Variants in NRXN3 observed in about 807,000 individuals in gnomAD.
NRXN3 encodes the protein neurexin III.
In NRXN3, 32 loss-of-function variants were observed where a neutral mutation model predicts 137.6. The observed-to-expected ratio is 0.23, with a 90% CI of 0.18 to 0.31. The LOEUF is 0.31. NRXN3 is among the 10% of genes least tolerant of loss of function. The pLI is 1.00. For missense variants in NRXN3, 1,574 were observed against 2,062.5 expected (o/e 0.76, Z 4.59); for synonymous variants, 798 against 784.5 (o/e 1.02, Z -0.29).
At chr14:78,714,000 A>T (rs1261745732) in intron 7 of NRXN3, among the ~76,000 whole-genome samples, 2 of 152,218 alleles carry the variant, frequency 1.3e-5, no homozygotes, top group Non-Finnish European at 2.9e-5. Context: ...GAGAGGAGAG[A>T]CATGCCTATC....
intron 16 of NRXN3, among the ~76,000 whole-genome samples, chr14:79,493,150 G>A (rs1601148047): frequency 6.6e-6 from 1 of 152,158 alleles, no homozygotes; most frequent in East Asian, 1.9e-4. Flanking sequence ...GGACTAAATG[G>A]ATGATCCACT....
intron 15 of NRXN3, among the ~76,000 whole-genome samples, chr14:79,076,528 C>T (rs868124410): frequency 2.6e-5 from 4 of 152,268 alleles, no homozygotes; most frequent in Middle Eastern, 6.8e-3. Flanking sequence ...TTCATTGGCA[C>T]AAGAGCCTTT....
intron 19 of NRXN3, among the ~76,000 whole-genome samples, chr14:79,789,457 C>T (rs924959968): frequency 2.0e-5 from 3 of 152,090 alleles, no homozygotes; most frequent in African/African-American, 7.2e-5. Flanking sequence ...ACAGTGAAAG[C>T]AAGTTTCTTA....
intron 19 of NRXN3, among the ~76,000 whole-genome samples, chr14:79,719,402 G>GTATATATATA (rs143848752): frequency 7.0e-6 from 1 of 142,280 alleles, no homozygotes; most frequent in Admixed American, 7.0e-5. Context: ...ATATATGTGT[G>GTATATATATA]TATATATATA....
At chr14:79,470,951 A>AGTGTGT (rs371413883) in intron 16 of NRXN3, among the ~76,000 whole-genome samples, 42 of 116,508 alleles carry the variant, frequency 3.6e-4, no homozygotes, top group Middle Eastern at 4.8e-3. Flanking sequence ...AGAGAGAGAG[A>AGTGTGT]GTGTGTGTGT....
At chr14:78,718,061 T>A (rs1242883440) in intron 8 of NRXN3, among the ~76,000 whole-genome samples, 1 of 152,120 alleles carries the variant, frequency 6.6e-6, no homozygotes, top group African/African-American at 2.4e-5. Flanking sequence ...TATACAGGAA[T>A]GGAATACTTT....
intron 14 of NRXN3, among the ~76,000 whole-genome samples, chr14:78,985,042 A>G (rs1439861362): frequency 6.6e-6 from 1 of 152,196 alleles, no homozygotes; most frequent in Non-Finnish European, 1.5e-5. Context: ...CCCTTAATGC[A>G]AGTGAAGCAA....
At chr14:79,186,068 C>A (rs1568537776) in intron 15 of NRXN3, among the ~76,000 whole-genome samples, 1 of 152,030 alleles carries the variant, frequency 6.6e-6, no homozygotes, top group Non-Finnish European at 1.5e-5. Context: ...TGGTACATAT[C>A]TCATAGGGTT....
At chr14:78,425,073 G>A (rs970577154) in intron 4 of NRXN3, among the ~76,000 whole-genome samples, 4 of 152,178 alleles carry the variant, frequency 2.6e-5, no homozygotes, top group Non-Finnish European at 5.9e-5. Context: ...AGTTTATAAG[G>A]AGTTTCATCT....
chr14:79,586,684 A>G (rs1810593564), intron 16 of NRXN3, among the ~76,000 whole-genome samples: 1 of 152,128 alleles, frequency 6.6e-6, no homozygotes, highest in African/African-American at 2.4e-5. Context: ...AACAAATTCT[A>G]CTTTCATGGC....
At chr14:79,659,063 T>G (rs2098520237) in intron 16 of NRXN3, among the ~76,000 whole-genome samples, 3 of 152,046 alleles carry the variant, frequency 2.0e-5, no homozygotes, top group Non-Finnish European at 4.4e-5. Context: ...ATAACTGCAG[T>G]GTGACTGATT....
intron 17 of NRXN3, among the ~76,000 whole-genome samples, chr14:79,676,073 C>T (rs2098639232): frequency 6.6e-6 from 1 of 151,952 alleles, no homozygotes; most frequent in Admixed American, 6.6e-5. Context: ...AGAGAGCATG[C>T]CCTTCATTAT....
intron 8 of NRXN3, among the ~76,000 whole-genome samples, chr14:78,754,935 A>G (rs2098660981): frequency 6.6e-6 from 1 of 151,292 alleles, no homozygotes. Context: ...GGTGGAATAT[A>G]TTTCTCTACT....
chr14:79,347,662 C>CCG (rs2092962700), intron 15 of NRXN3, among the ~76,000 whole-genome samples: 1 of 152,130 alleles, frequency 6.6e-6, no homozygotes, highest in Non-Finnish European at 1.5e-5. Flanking sequence ...ACCTTGTGAT[C>CCG]CACATGCCTT....
chr14:79,733,918 G>A (rs1256396427), intron 19 of NRXN3, among the ~76,000 whole-genome samples: 2 of 152,010 alleles, frequency 1.3e-5, no homozygotes, highest in Non-Finnish European at 2.9e-5. Flanking sequence ...GCCAGTAGCT[G>A]GTCCCAATGT....
At chr14:79,750,424 C>G (rs969011759) in intron 19 of NRXN3, among the ~76,000 whole-genome samples, 2 of 152,204 alleles carry the variant, frequency 1.3e-5, no homozygotes, top group African/African-American at 4.8e-5. Flanking sequence ...GGAAGTAACC[C>G]ATGCTGCTGC....
chr14:78,474,170 A>G lies in NRXN3; in HGVS notation c.758-170950A>G, dbSNP rs561335236. Among the ~76,000 whole-genome samples, 8 of 152,324 alleles carry G rather than the reference A, an allele frequency of 5.3e-5. No homozygotes were observed. The East Asian group carries it at 7.7e-4, about 15-fold the overall frequency. On this transcript the variant is annotated intron_variant, in intron 4 of 20. Coordinates refer to ENST00000335750, the MANE Select transcript of NRXN3 (RefSeq NM_001330195.2). ...CAGCTTAGAGGACTAATTATCATTC[A>G]TCTGATAAGAAGAGAGAGTAAGAGA...
chr14:78,948,502 G>A (rs1228853858), intron 10 of NRXN3, among the ~76,000 whole-genome samples: 1 of 152,220 alleles, frequency 6.6e-6, no homozygotes, highest in Non-Finnish European at 1.5e-5. Context: ...ACCTGCTGCA[G>A]TGGCTGAAAT....
intron 15 of NRXN3, chr14:79,279,410 C>T (rs1467103694): frequency 5.7e-5 from 56 of 986,184 alleles, no homozygotes; most frequent in Non-Finnish European, 6.5e-5. Context: ...CCCTGGTCCG[C>T]GCACTTCGCA....
Sources: allele counts gnomAD v4.1 joint callset (sites outside exome capture counted in the v4.1 genomes callset), GRCh38; gene constraint gnomAD v4.1.1; transcripts MANE v1.5; gene names NCBI Gene and HGNC (gene_info 2026-07-23, HGNC 2026-07-21).